The following WDR81 variants were observed in gnomAD, a reference collection of about 807,000 sequenced individuals.
WDR81 encodes the protein WD repeat domain 81, also known as WD repeat-containing protein 81.
WDR81 carries 92 observed loss-of-function variants against 140.8 expected under a neutral mutation model. The ratio of observed to expected loss-of-function variants is 0.65; its 90% CI spans 0.55 to 0.78. The LOEUF (loss-of-function observed/expected upper bound fraction) is 0.78, where lower values mean the gene tolerates loss of function less well. Among genes scored for constraint, WDR81 ranks in the 30% least tolerant of loss-of-function variants. WDR81 has a pLI of 0.00. For missense variants in WDR81, 2,502 were observed against 2,636.4 expected (o/e 0.95, Z 1.12); for synonymous variants, 1,183 against 1,156.4 (o/e 1.02, Z -0.47).
chr17:1,734,388 C>T (rs976933147), intron 7 of WDR81, among the ~76,000 whole-genome samples, 172 bp downstream of exon 7: 2 of 152,214 alleles, frequency 1.3e-5, no homozygotes, highest in African/African-American at 4.8e-5. Flanking sequence ...TCTGAATTGG[C>T]TCCACCGGCT....
At position 1,732,795 on chromosome 17, in the gene WDR81, G is replaced by T. The variant is rs1410604497; in HGVS notation, c.4453G>T (p.Ala1485Ser). The change falls in exon 6 of 10, where the codon GCA becomes TCA. Residue 1485 changes from alanine to serine, a missense_variant. Ala to Ser is a moderately conservative substitution (Grantham distance 99, BLOSUM62 1). This residue lies in a region of WDR81 where 1,737 missense variants were observed against 1,843.0 expected (regional missense o/e 0.94). Coordinates refer to ENST00000409644, the MANE Select transcript of WDR81 (RefSeq NM_001163809.2). ...ELQKVFTLEM[A>S]YTIYVPFSCL... is the part of the protein sequence containing the mutation. ...GCAGAAGGTGTTCACCCTGGAGATG[G>T]CATACACAATCTACGTGCCCTTCTC... 1 of 1,612,848 alleles carries T rather than the reference G, an allele frequency of 6.2e-7. No homozygotes were observed.
At chr17:1,719,583 G>T (rs987815033) in intron 1 of WDR81, among the ~76,000 whole-genome samples, 4 of 147,490 alleles carry the variant, frequency 2.7e-5, no homozygotes, top group African/African-American at 5.0e-5. Context: ...TAAAAATGTG[G>T]CCAGGCACAG....
rs1905081854 is a variant in WDR81, at chr17:1,738,554, A to G, written c.*869A>G. On this transcript the variant is annotated 3_prime_UTR_variant, in exon 10 of 10. Transcript: ENST00000409644. ...CCTTCTCACAATTTGCAATAGATGTAAATAGGACCAATAAATCCTTTGGAA... is the reference window on the plus strand; with the variant it reads ...CCTTCTCACAATTTGCAATAGATGTGAATAGGACCAATAAATCCTTTGGAA... 1 of 152,690 alleles carries G rather than the reference A, an allele frequency of 6.5e-6. No individual in the cohort carries two copies. Among genetic ancestry groups the G allele is most frequent in the Non-Finnish European group, 1.5e-5 (1 of 68,514 alleles). 9.5% of individuals were successfully genotyped at this position (152,690 alleles called of 1,614,324 possible).
Position 1,724,972 on chromosome 17 carries a change from A to C in WDR81, c.13A>C (p.Ser5Arg). 6.9e-7 allele frequency: 1 copy of C among 1,455,276 alleles called. No homozygotes were observed. The highest frequency in any genetic ancestry group is 1.4e-5 in the South Asian group (1 of 70,334). 90.1% of individuals were successfully genotyped at this position (1,455,276 alleles called of 1,614,324 possible). MAQG[S>R]GGREGALRTP... ...CGGCCTGGAGGAGATGGCCCAGGGC[A>C]GCGGGGGGCGGGAAGGCGCTCTCAG... The change falls in exon 1 of 10, where the codon AGC (serine) becomes CGC (arginine). Residue 5 changes from serine (S) to arginine (R), a missense_variant. By Grantham distance (110) the Ser-to-Arg change is moderately radical (BLOSUM62 -1). This residue lies in a region of WDR81 where 547 missense variants were observed against 513.8 expected (regional missense o/e 1.06). Transcript: ENST00000409644.
chr17:1,719,033 C>T (rs975111079), intron 1 of WDR81, among the ~76,000 whole-genome samples: 9 of 152,186 alleles, frequency 5.9e-5, no homozygotes, highest in Non-Finnish European at 1.5e-5. Context: ...CCCCAGCTCC[C>T]AGTTTTGACA....
Position 1,728,510 on chromosome 17 carries a change from C to A in WDR81, c.3551C>A (p.Ser1184Tyr). The A allele has an allele frequency of 6.3e-7, 1 of 1,584,478 alleles. No homozygotes were observed. Among genetic ancestry groups the A allele is most frequent in the Non-Finnish European group, 8.6e-7 (1 of 1,164,186 alleles). ...ACCGGGGCATCTGAGCTCACTCTGTCTGACACGGTGCTGTCCATGGAGACG... is the reference window on the plus strand; with the variant it reads ...ACCGGGGCATCTGAGCTCACTCTGTATGACACGGTGCTGTCCATGGAGACG... ...EVTGASELTL[S>Y]DTVLSMETVV... The change falls in exon 1 of 10, where the codon TCT becomes TAT. Residue 1184 changes from serine to tyrosine, a missense_variant. Coordinates refer to ENST00000409644, the MANE Select transcript of WDR81 (RefSeq NM_001163809.2).
chr17:1,729,631 A>C (rs1487701623), intron 1 of WDR81, among the ~76,000 whole-genome samples: 2 of 152,128 alleles, frequency 1.3e-5, no homozygotes, highest in East Asian at 1.9e-4. Flanking sequence ...AGGGAACAGC[A>C]TGTGTGAGGC....
rs140534402 is a variant in WDR81 at position 1,734,135 on chromosome 17, G to A, written c.5098G>A (p.Val1700Ile). The A allele has an allele frequency of 3.7e-5, 59 of 1,599,574 alleles. No individual in the cohort carries two copies. Among genetic ancestry groups the A allele is most frequent in the Admixed American group, 2.0e-4 (12 of 60,014 alleles). The change falls in exon 7 of 10, where the codon GTC becomes ATC. Residue 1700 changes from valine to isoleucine, a missense_variant. Physicochemically the swap from Val to Ile is conservative, Grantham distance 29. Coordinates refer to ENST00000409644, the MANE Select transcript of WDR81 (RefSeq NM_001163809.2). ...RLVYTQHRKS[V>I]FFVGQLEAPQ... is the part of the protein sequence containing the mutation. ...CGTCTACACCCAGCACCGCAAGAGCGTCTTCTTCGTGGGCCAGCTTGAGGC... is the reference window on the plus strand; with the variant it reads ...CGTCTACACCCAGCACCGCAAGAGCATCTTCTTCGTGGGCCAGCTTGAGGC...
intron 1 of WDR81, 40 bp downstream of exon 1, chr17:1,728,666 T>A (rs1315989295): frequency 1.4e-6 from 2 of 1,443,032 alleles, no homozygotes; most frequent in East Asian, 2.5e-5. Flanking sequence ...CAAAAACACC[T>A]CCTGCTGGCC....
At chr17:1,722,220 C>G (rs1914904177), upstream of WDR81, among the ~76,000 whole-genome samples, 1 of 152,128 alleles carries the variant, frequency 6.6e-6, no homozygotes, top group Non-Finnish European at 1.5e-5. Flanking sequence ...ATGCTCCATA[C>G]AAGTTTGTTG....
Position 1,732,686 on chromosome 17 carries a change from G to A in WDR81, c.4344G>A (p.Ala1448=), listed in dbSNP as rs1567725134. The change falls in exon 6 of 10, where the codon GCG becomes GCA. Residue 1448 remains alanine (A), a synonymous_variant. Coordinates refer to ENST00000409644, the MANE Select transcript of WDR81 (RefSeq NM_001163809.2). ...CATAGGATCTGAAGCTGGACCCTGCGGGCCGTGGTGAGGGCCAGCTGCCAC... is the reference window on the plus strand; with the variant it reads ...CATAGGATCTGAAGCTGGACCCTGCAGGCCGTGGTGAGGGCCAGCTGCCAC... The part of the protein sequence containing the change: ...LRQQDLKLDP[A]GRGEGQLPQV... 4 of 1,609,074 alleles carry A rather than the reference G, an allele frequency of 2.5e-6. No homozygotes were observed. The highest frequency in any genetic ancestry group is 3.4e-6 in the Non-Finnish European group (4 of 1,177,824).
At position 1,728,333 on chromosome 17, in the gene WDR81, C is replaced by T; in HGVS notation, c.3374C>T (p.Pro1125Leu). Residue 1125 changes from proline (P) to leucine (L), a missense_variant, in exon 1 of 10, where the codon CCA becomes CTA. Physicochemically the swap from Pro to Leu is moderately conservative, Grantham distance 98. Around this residue, in one of 3 missense-constraint regions of WDR81, gnomAD observed 1,737 missense variants for 1,843.0 expected, o/e 0.94. Coordinates refer to ENST00000409644, the MANE Select transcript of WDR81 (RefSeq NM_001163809.2). ...SETSLGEERA[P>L]DEGGAPVDKS... ...ACCTCCCTGGGTGAGGAGCGGGCTCCAGACGAGGGGGGTGCCCCCGTGGAC... is the reference window on the plus strand; with the variant it reads ...ACCTCCCTGGGTGAGGAGCGGGCTCTAGACGAGGGGGGTGCCCCCGTGGAC... 1.9e-6 allele frequency: 3 copies of T among 1,612,902 alleles called. No individual in the cohort carries two copies. The highest frequency in any genetic ancestry group is 2.5e-6 in the Non-Finnish European group (3 of 1,180,014).
Position 1,726,050 on chromosome 17 carries a change from T to C in WDR81, c.1091T>C (p.Met364Thr), listed in dbSNP as rs1200921929. The change falls in exon 1 of 10, where the codon ATG (methionine) becomes ACG (threonine). Residue 364 changes from methionine to threonine, a missense_variant. Physicochemically the swap from Met to Thr is moderately conservative, Grantham distance 81 (BLOSUM62 -1). This residue lies in a region of WDR81 where 547 missense variants were observed against 513.8 expected (regional missense o/e 1.06). Coordinates refer to ENST00000409644, the MANE Select transcript of WDR81 (RefSeq NM_001163809.2). ...HGRISNFHYL[M>T]QLNRLAGRRQ... ...CGCATCAGCAACTTCCACTACCTCA[T>C]GCAGCTGAATCGGTTGGCAGGTCGG... The C allele has an allele frequency of 3.9e-6, 6 of 1,547,304 alleles. No homozygotes were observed. Among genetic ancestry groups the C allele is most frequent in the Non-Finnish European group, 5.2e-6 (6 of 1,144,792 alleles).
In WDR81 at chr17:1,733,541, A is replaced by G. The variant is rs1353563853; in HGVS notation, c.4504A>G (p.Lys1502Glu). ...FSCLLGDIIR[K>E]IIPNHELVGE... ...CTCCTATCCAGGTGACATCATCCGG[A>G]AAATCATCCCCAACCACGAGCTGGT... Residue 1502 changes from lysine to glutamate, a missense_variant, in exon 7 of 10, where the codon AAA (lysine) becomes GAA (glutamate). By Grantham distance (56) the Lys-to-Glu change is moderately conservative. Coordinates refer to ENST00000409644, the MANE Select transcript of WDR81 (RefSeq NM_001163809.2). 6.6e-7 allele frequency: 1 copy of G among 1,516,356 alleles called. No individual in the cohort carries two copies. Among genetic ancestry groups the G allele is most frequent in the Non-Finnish European group, 8.8e-7 (1 of 1,133,514 alleles). 93.9% of individuals were successfully genotyped at this position (1,516,356 alleles called of 1,614,324 possible).
rs139756104 is a variant in WDR81 at position 1,733,871 on chromosome 17, G to A, written c.4834G>A (p.Gly1612Arg). The A allele has an allele frequency of 8.7e-6, 14 of 1,612,836 alleles. No individual in the cohort carries two copies. The highest frequency in any genetic ancestry group is 1.6e-4 in the Middle Eastern group (1 of 6,062). ...GCAGGAGCTGCCGCGGAGCGTGCAC[G>A]GGCTGAGCGGAAACTGGCTGGCGTA... ...LKQELPRSVH[G>R]LSGNWLAYWQ... Residue 1612 changes from glycine to arginine, a missense_variant, in exon 7 of 10, where the codon GGG becomes AGG. Coordinates refer to ENST00000409644, the MANE Select transcript of WDR81 (RefSeq NM_001163809.2).
chr17:1,720,480 A>C (rs1395493901), upstream of WDR81, among the ~76,000 whole-genome samples: 1 of 152,186 alleles, frequency 6.6e-6, no homozygotes, highest in Admixed American at 6.5e-5. Flanking sequence ...CCTGAATTAG[A>C]ATTATGCCCT....
At position 1,725,071 on chromosome 17, in the gene WDR81, C is replaced by G. The variant is rs1048015361; in HGVS notation, c.112C>G (p.Leu38Val). 4 of 1,491,008 alleles carry G rather than the reference C, an allele frequency of 2.7e-6. No individual in the cohort carries two copies. In the African/African-American group the frequency reaches 4.2e-5, roughly 16 times the overall value. The allele number at this position is 1,491,008 out of a possible 1,614,324, so 92.4% of individuals were successfully genotyped here. The change falls in exon 1 of 10, where the codon CTG becomes GTG. Residue 38 changes from leucine to valine, a missense_variant. By Grantham distance (32) the Leu-to-Val change is conservative. Around this residue, in one of 3 missense-constraint regions of WDR81, gnomAD observed 547 missense variants for 513.8 expected, o/e 1.06. Coordinates refer to ENST00000409644, the MANE Select transcript of WDR81 (RefSeq NM_001163809.2). ...GCTGCTCCGGAGCGTGGAGAGGGACCTGAGCATCGATCCCAGGCAGCTGGC... is the reference window on the plus strand; with the variant it reads ...GCTGCTCCGGAGCGTGGAGAGGGACGTGAGCATCGATCCCAGGCAGCTGGC... ...QELLRSVERD[L>V]SIDPRQLAPA...
rs1471722208 is a variant in WDR81, at chr17:1,735,903, T to A, written c.5326-136T>A. Reference sequence around the variant, plus strand: ...ACTCTGGCCTGTGATGGGGGTGGGGTTCTGGGCTTTTCATGCCCCCTGATG... The same window carrying A: ...ACTCTGGCCTGTGATGGGGGTGGGGATCTGGGCTTTTCATGCCCCCTGATG... On this transcript the variant is annotated intron_variant, in intron 8 of 9. Coordinates refer to ENST00000409644, the MANE Select transcript of WDR81 (RefSeq NM_001163809.2). The surrounding 1 kb of genome is among the most constrained non-coding windows in gnomAD (Gnocchi z 4.2). The A allele has an allele frequency of 1.2e-5, 16 of 1,388,742 alleles. No homozygotes were observed. In the African/African-American group the frequency reaches 1.6e-4, roughly 14 times the overall value. 86.0% of individuals were successfully genotyped at this position (1,388,742 alleles called of 1,614,324 possible).
intron 9 of WDR81, among the ~76,000 whole-genome samples, 186 bp downstream of exon 9, chr17:1,736,404 G>A (rs1221477160): frequency 6.6e-6 from 1 of 152,192 alleles, no homozygotes; most frequent in Non-Finnish European, 1.5e-5. Context: ...GCACTGCAGG[G>A]GTCTCAGCAG....
Sources: gnomAD v4.1 joint callset for allele counts (sites outside exome capture counted in the v4.1 genomes callset) on GRCh38, gnomAD v4.1.1 for gene constraint, gnomAD v4.1.1 regional missense constraint, Gnocchi (gnomAD v3.1) non-coding constraint, MANE v1.5 for transcripts, NCBI Gene and HGNC (gene_info 2026-07-23, HGNC 2026-07-21) for gene names.